AGBL1: variants seen among roughly 807,000 people sequenced by gnomAD.
The protein encoded by AGBL1 is cytosolic carboxypeptidase 4.
A neutral mutation model predicts 118.9 loss-of-function variants in AGBL1; 130 were observed. The ratio of observed to expected loss-of-function variants is 1.09; its 90% CI spans 0.95 to 1.26. AGBL1 has a LOEUF of 1.26. AGBL1 is among the 50% of genes most tolerant of loss of function. The probability of loss-of-function intolerance (pLI) is 0.00; values close to 1 mark genes in which losing one functional copy is unlikely to be tolerated. For synonymous variants in AGBL1, 555 were observed against 478.9 expected (o/e 1.16, Z -2.08); for missense variants, 1,584 against 1,298.1 (o/e 1.22, Z -3.38).
downstream of AGBL1, among the ~76,000 whole-genome samples, chr15:86,920,921 C>T (rs2080476169): frequency 1.3e-5 from 2 of 152,100 alleles, no homozygotes; most frequent in South Asian, 4.1e-4. Context: ...AGCTGCTCAC[C>T]TGTGCATTAA....
intron 18 of AGBL1, among the ~76,000 whole-genome samples, chr15:86,483,909 A>C (rs1397569117): frequency 6.6e-6 from 1 of 152,084 alleles, no homozygotes; most frequent in African/African-American, 2.4e-5. Context: ...GCTTCTTGCT[A>C]TTTTAGCCAG....
intron 18 of AGBL1, among the ~76,000 whole-genome samples, chr15:86,478,005 A>C (rs2082588277): frequency 6.6e-6 from 1 of 152,126 alleles, no homozygotes; most frequent in African/African-American, 2.4e-5. Flanking sequence ...CAATAGATGC[A>C]AAAAGGCCTT....
intron 1 of AGBL1, among the ~76,000 whole-genome samples, chr15:86,112,010 G>C (rs1392223119): frequency 1.3e-5 from 2 of 152,176 alleles, no homozygotes; most frequent in African/African-American, 4.8e-5. Flanking sequence ...AATGCCTGAT[G>C]ATCTGTCACT....
chr15:86,243,913 G>A (rs777794904), intron 6 of AGBL1, among the ~76,000 whole-genome samples: 3 of 151,898 alleles, frequency 2.0e-5, no homozygotes, highest in Non-Finnish European at 2.9e-5. Context: ...CCAGTTATGC[G>A]GGAGGCTGAG....
intron 17 of AGBL1, among the ~76,000 whole-genome samples, chr15:86,322,637 A>T (rs2080121251): frequency 6.6e-6 from 1 of 152,138 alleles, no homozygotes; most frequent in African/African-American, 2.4e-5. Flanking sequence ...TTTATTTGGA[A>T]CTGCATCTGG....
At chr15:86,350,101 C>G (rs2080601819) in intron 17 of AGBL1, among the ~76,000 whole-genome samples, 1 of 152,228 alleles carries the variant, frequency 6.6e-6, no homozygotes, top group African/African-American at 2.4e-5. Context: ...TATGAGGCAG[C>G]TATGAGTTTT....
intron 21 of AGBL1, among the ~76,000 whole-genome samples, chr15:86,653,064 T>C (rs1006875608): frequency 6.6e-5 from 10 of 152,180 alleles, no homozygotes; most frequent in African/African-American, 2.4e-4. Context: ...TGAGAATGTA[T>C]ATTCATTTTA....
chr15:86,558,927 C>T (rs186482449), intron 21 of AGBL1, among the ~76,000 whole-genome samples: 11 of 152,214 alleles, frequency 7.2e-5, no homozygotes, highest in African/African-American at 2.7e-4. Flanking sequence ...TAAATCTGTT[C>T]TCTCACAGAT....
At chr15:86,225,031 TTC>T in intron 6 of AGBL1, 80 bp downstream of exon 6, 2 of 1,381,136 alleles carry the variant, frequency 1.4e-6, no homozygotes, top group South Asian at 1.3e-5. Flanking sequence ...CCATGGCTGT[TTC>T]TTTTTTTTTT....
chr15:87,024,431 A>AAATT (rs1240003355), intron 24 of AGBL1, among the ~76,000 whole-genome samples: 1 of 151,954 alleles, frequency 6.6e-6, no homozygotes, highest in Non-Finnish European at 1.5e-5. Context: ...AACTCAGGAA[A>AAATT]AATTAGATAC....
At chr15:86,322,583 C>T (rs1359444842) in intron 17 of AGBL1, among the ~76,000 whole-genome samples, 1 of 151,802 alleles carries the variant, frequency 6.6e-6, no homozygotes, top group Non-Finnish European at 1.5e-5. Flanking sequence ...TTTGTAATAT[C>T]GCATTACTAG....
At chr15:86,732,831 T>C (rs2077543375) in intron 22 of AGBL1, among the ~76,000 whole-genome samples, 1 of 151,634 alleles carries the variant, frequency 6.6e-6, no homozygotes, top group South Asian at 2.1e-4. Context: ...CATTAGAAGA[T>C]ATATTAGGGT....
intron 1 of AGBL1, among the ~76,000 whole-genome samples, chr15:86,112,743 C>G (rs1202530715): frequency 2.6e-5 from 4 of 152,240 alleles, no homozygotes; most frequent in African/African-American, 9.6e-5. Flanking sequence ...TCTTCTCACC[C>G]TCACCAGGGC....
intron 23 of AGBL1, among the ~76,000 whole-genome samples, chr15:86,973,056 C>A (rs1442875069): frequency 6.6e-6 from 1 of 151,926 alleles, no homozygotes; most frequent in South Asian, 2.1e-4. Context: ...AATCTCAAAA[C>A]CTCTTTAAGC....
At chr15:86,319,395 G>T (rs2080068623) in intron 17 of AGBL1, among the ~76,000 whole-genome samples, 1 of 151,958 alleles carries the variant, frequency 6.6e-6, no homozygotes, top group African/African-American at 2.4e-5. Context: ...GCATTTTTTT[G>T]ATAATAAATA....
intron 22 of AGBL1, among the ~76,000 whole-genome samples, chr15:86,772,444 A>G (rs1433928364): frequency 6.6e-6 from 1 of 152,112 alleles, no homozygotes; most frequent in African/African-American, 2.4e-5. Flanking sequence ...ACATTCATAT[A>G]GAAATTTCAA....
At chr15:86,284,512 C>A (rs1362137651) in intron 16 of AGBL1, among the ~76,000 whole-genome samples, 1 of 152,092 alleles carries the variant, frequency 6.6e-6, no homozygotes, top group East Asian at 1.9e-4. Context: ...ATTCTTGTAC[C>A]TTTTATTTAG....
intron 17 of AGBL1, among the ~76,000 whole-genome samples, chr15:86,375,801 G>A (rs1030748317): frequency 6.6e-6 from 1 of 152,294 alleles, no homozygotes; most frequent in African/African-American, 2.4e-5. Context: ...TTTGGCAAAG[G>A]GTAGAAGACC....
At chr15:86,750,007 G>C (rs560217184) in intron 22 of AGBL1, among the ~76,000 whole-genome samples, 2 of 152,180 alleles carry the variant, frequency 1.3e-5, no homozygotes, top group Admixed American at 1.3e-4. Context: ...TTTGGTATCA[G>C]GATGATGCTG....
Sources: allele counts gnomAD v4.1 joint callset (sites outside exome capture counted in the v4.1 genomes callset), GRCh38; gene constraint gnomAD v4.1.1; transcripts MANE v1.5; gene names NCBI Gene and HGNC (gene_info 2026-07-23, HGNC 2026-07-21).